KIF7: variants seen among roughly 807,000 people sequenced by gnomAD.
KIF7 encodes the protein kinesin-like protein KIF7.
Under a neutral mutation model 135.7 loss-of-function variants are expected in KIF7, and 104 were observed. The ratio of observed to expected loss-of-function variants is 0.77; its 90% CI spans 0.65 to 0.90. KIF7 has a LOEUF of 0.90. Among genes scored for constraint, KIF7 ranks in the 40% least tolerant of loss-of-function variants. The pLI is 0.00. For synonymous variants in KIF7, 883 were observed against 809.4 expected, an observed-to-expected ratio of 1.09 and a Z score of -1.54; for missense variants, 2,005 against 1,839.1, an observed-to-expected ratio of 1.09 and a Z score of -1.65.
chr15:89,652,831 G>A lies in KIF7; in HGVS notation c.100C>T (p.His34Tyr). ...GGCTCCACCTGCAGGCAGCTCTGAT[G>A]CCCGTGCAGCAGCTCCTTGGGCAGC... The part of the protein sequence containing the change: ...PLLPKELLHG[H>Y]QSCLQVEPGL... The change falls in exon 2 of 19, where the codon CAT becomes TAT. Residue 34 changes from histidine (H) to tyrosine (Y), a missense_variant. His to Tyr is a moderately conservative substitution (Grantham distance 83). Coordinates refer to ENST00000394412, the MANE Select transcript of KIF7 (RefSeq NM_198525.3). 2 of 1,550,240 alleles carry A rather than the reference G, an allele frequency of 1.3e-6. No homozygotes were observed. The highest frequency in any genetic ancestry group is 1.7e-6 in the Non-Finnish European group (2 of 1,146,634).
At chr15:89,626,629 C>G (rs1390801738), downstream of KIF7, among the ~76,000 whole-genome samples, 1 of 152,128 alleles carries the variant, frequency 6.6e-6, no homozygotes, top group Non-Finnish European at 1.5e-5. Flanking sequence ...TCAGTTCCCT[C>G]AAGACCATGA....
At chr15:89,640,148 G>C (rs1415522530) in intron 11 of KIF7, among the ~76,000 whole-genome samples, 5 of 151,772 alleles carry the variant, frequency 3.3e-5, no homozygotes, top group East Asian at 3.9e-4. Flanking sequence ...GTTGTGGGGT[G>C]GGGGGAGTGG....
downstream of KIF7, chr15:89,625,972 GC>G (rs1567054354): frequency 1.2e-6 from 2 of 1,602,650 alleles, no homozygotes; most frequent in Non-Finnish European, 1.7e-6. Flanking sequence ...GTGCGGAGCT[GC>G]CTCTCTGCCA....
At chr15:89,624,761 C>T, downstream of KIF7, 3 of 1,614,206 alleles carry the variant, frequency 1.9e-6, no homozygotes, top group Middle Eastern at 3.3e-4. Flanking sequence ...AACGTCTTAT[C>T]AGTGGAAGAG....
chr15:89,632,792 G>A, intron 14 of KIF7, 28 bp downstream of exon 14: 1 of 1,593,930 alleles, frequency 6.3e-7, no homozygotes. Context: ...GACCTCACCT[G>A]GCAGGATCTC....
At position 89,628,603 on chromosome 15, in the gene KIF7, C is replaced by T; in HGVS notation, c.3848G>A (p.Cys1283Tyr). ...CTCGGGGGACCCCTGCTCCTCACCA[C>T]ACAGGCTCGAGCGTTTCCAGGTCAA... ...LPLTWKRSSL[C>Y]GEEQGSPEEL... Residue 1283 changes from cysteine (C) to tyrosine (Y), a missense_variant, in exon 19 of 19, where the codon TGT becomes TAT. By Grantham distance (194) the Cys-to-Tyr change is radical. Coordinates refer to ENST00000394412, the MANE Select transcript of KIF7 (RefSeq NM_198525.3). 1 of 1,613,470 alleles carries T rather than the reference C, an allele frequency of 6.2e-7. No individual in the cohort carries two copies. The highest frequency in any genetic ancestry group is 8.5e-7 in the Non-Finnish European group (1 of 1,180,016).
At chr15:89,648,822 C>T in intron 4 of KIF7, 48 bp from the exon 5 acceptor site, 2 of 1,501,876 alleles carry the variant, frequency 1.3e-6, no homozygotes, top group Non-Finnish European at 1.8e-6. Flanking sequence ...GCTCCAGGCC[C>T]AGGGCCAGCG....
downstream of KIF7, chr15:89,623,754 A>C (rs771842678): frequency 3.1e-6 from 5 of 1,613,942 alleles, no homozygotes; most frequent in Non-Finnish European, 1.7e-6. Context: ...TGACCCCTAC[A>C]AAGCAGGCAG....
upstream of KIF7, among the ~76,000 whole-genome samples, chr15:89,659,455 G>GAAAGAAAGAAAGAAAGAC (rs796188447): frequency 2.7e-3 from 378 of 140,906 alleles, 1 homozygote; most frequent in African/African-American, 9.3e-3. Context: ...AAGAGAGAGA[G>GAAAGAAAGAAAGAAAGAC]AAAGAAAGAA....
At chr15:89,636,856 C>A (rs1963819091) in intron 11 of KIF7, among the ~76,000 whole-genome samples, 1 of 149,806 alleles carries the variant, frequency 6.7e-6, no homozygotes, top group Admixed American at 6.7e-5. Context: ...AACTCTCCAC[C>A]CCAAATCAAC....
chr15:89,652,600 C>T lies in KIF7; in HGVS notation c.328+3G>A. ...GCACAGGGCCACGAACAGGGTCACT[C>T]ACCCACACTGGCCTCCCCCATGGTG... On this transcript the variant is annotated splice_donor_region_variant and intron_variant, in intron 2 of 18. Coordinates refer to ENST00000394412, the MANE Select transcript of KIF7 (RefSeq NM_198525.3). 12 of 1,515,722 alleles carry T rather than the reference C, an allele frequency of 7.9e-6. No homozygotes were observed. Among genetic ancestry groups the T allele is most frequent in the Non-Finnish European group, 1.1e-5 (12 of 1,122,418 alleles). The allele number at this position is 1,515,722 out of a possible 1,614,324, so 93.9% of individuals were successfully genotyped here.
Position 89,648,251 on chromosome 15 carries a change from C to A in KIF7, c.1443+4G>T. ...ACCACAACCACAACCTGTCCCTCGG[C>A]CACCTTTCGCCCGCCGGCCCCCTGC... On this transcript the variant is annotated splice_donor_region_variant and intron_variant, in intron 5 of 18. Coordinates refer to ENST00000394412, the MANE Select transcript of KIF7 (RefSeq NM_198525.3). 1 of 1,512,762 alleles carries A rather than the reference C, an allele frequency of 6.6e-7. No individual in the cohort carries two copies. The highest frequency in any genetic ancestry group is 8.8e-7 in the Non-Finnish European group (1 of 1,132,610). The allele number at this position is 1,512,762 out of a possible 1,614,324, so 93.7% of individuals were successfully genotyped here. A position where few individuals can be genotyped will look rare whatever the true frequency, so the allele number is the denominator to read the frequency against.
the KIF7 span, among the ~76,000 whole-genome samples, chr15:89,663,034 C>T: frequency 1.3e-5 from 2 of 152,226 alleles, no homozygotes; most frequent in African/African-American, 4.8e-5. Flanking sequence ...TTGGCGGCCA[C>T]AGCCCTCAGG....
intron 1 of KIF7, among the ~76,000 whole-genome samples, chr15:89,654,191 C>A (rs1366912840): frequency 2.6e-5 from 4 of 151,896 alleles, no homozygotes; most frequent in Admixed American, 2.6e-4. Context: ...TTGTATTTTT[C>A]ATAGAGACAG....
chr15:89,628,351 C>CAAAACAGGCAGCTGCCCCTTTCA lies in KIF7; in HGVS notation c.*45_*67dup. The CAAAACAGGCAGCTGCCCCTTTCA allele has an allele frequency of 6.5e-7, 1 of 1,535,242 alleles. No homozygotes were observed. Among genetic ancestry groups the CAAAACAGGCAGCTGCCCCTTTCA allele is most frequent in the Non-Finnish European group, 8.8e-7 (1 of 1,142,812 alleles). ...CGGTAAGGACTGCCCTTCACAGAAG[C>CAAAACAGGCAGCTGCCCCTTTCA]AAAACAGGCAGCTGCCCCTTTCAGC... is the stretch of plus-strand genomic sequence containing the variant. On this transcript the variant is annotated 3_prime_UTR_variant, in exon 19 of 19. Transcript: ENST00000394412.
chr15:89,633,368 G>A, intron 12 of KIF7, 102 bp from the exon 13 acceptor site: 1 of 1,466,940 alleles, frequency 6.8e-7, no homozygotes, highest in South Asian at 1.2e-5. Context: ...CCACTCCCAA[G>A]AGGGCCCTGC....
intron 14 of KIF7, among the ~76,000 whole-genome samples, chr15:89,632,340 C>G (rs1181083665): frequency 6.6e-6 from 1 of 152,184 alleles, no homozygotes; most frequent in African/African-American, 2.4e-5. Context: ...GCTGACCTTC[C>G]TATTCTAGAT....
chr15:89,654,152 G>T (rs1232027587), intron 1 of KIF7, among the ~76,000 whole-genome samples: 1 of 152,098 alleles, frequency 6.6e-6, no homozygotes, highest in Admixed American at 6.5e-5. Flanking sequence ...TGGGACTACA[G>T]GCGCCCGCCA....
At position 89,629,551 on chromosome 15, in the gene KIF7, T is replaced by G. The variant is rs371926812; in HGVS notation, c.3341A>C (p.Gln1114Pro). The G allele has an allele frequency of 5.6e-6, 9 of 1,608,082 alleles. No individual in the cohort carries two copies. Among genetic ancestry groups the G allele is most frequent in the Non-Finnish European group, 7.6e-6 (9 of 1,179,984 alleles). The change falls in exon 17 of 19, where the codon CAG (glutamine) becomes CCG (proline). Residue 1114 changes from glutamine to proline, a missense_variant. Gln to Pro is a moderately conservative substitution (Grantham distance 76). Transcript: ENST00000394412. ...FDKVVTLREE[Q>P]HQQQIAFSEL... Reference sequence around the variant, plus strand: ...CGAGAAGGCAATCTGCTGCTGGTGCTGCTCCTCTCGGAGCGTCACCACCTG... The same window carrying G: ...CGAGAAGGCAATCTGCTGCTGGTGCGGCTCCTCTCGGAGCGTCACCACCTG...
Sources: gnomAD v4.1 joint callset for allele counts (sites outside exome capture counted in the v4.1 genomes callset) on GRCh38, gnomAD v4.1.1 for gene constraint, MANE v1.5 for transcripts, NCBI Gene and HGNC (gene_info 2026-07-23, HGNC 2026-07-21) for gene names.